FOXP2: variants seen among roughly 807,000 people sequenced by gnomAD.
FOXP2 encodes the protein forkhead box protein P2.
A neutral mutation model predicts 115.8 loss-of-function variants in FOXP2; 12 were observed. That is an observed-to-expected ratio of 0.10 (90% CI 0.07 to 0.17). The LOEUF is 0.17. FOXP2 is among the 10% of genes least tolerant of loss of function. The probability of loss-of-function intolerance (pLI) is 1.00; values close to 1 mark genes in which losing one functional copy is unlikely to be tolerated. For synonymous variants in FOXP2, 328 were observed against 297.7 expected (o/e 1.10, Z -1.05); for missense variants, 629 against 843.5 (o/e 0.75, Z 3.15).
chr7:114,286,562 T>C (rs1461444704), intron 1 of FOXP2, among the ~76,000 whole-genome samples: 1 of 151,952 alleles, frequency 6.6e-6, no homozygotes, highest in Non-Finnish European at 1.5e-5. Context: ...CAGAGTATAA[T>C]TGTGGAAGAA....
chr7:114,383,071 T>C (rs1792347997), intron 2 of FOXP2, among the ~76,000 whole-genome samples: 1 of 152,206 alleles, frequency 6.6e-6, no homozygotes, highest in Non-Finnish European at 1.5e-5. Flanking sequence ...TTGACCTGAC[T>C]GAGATACCAG....
At chr7:114,567,162 G>T (rs1308377006) in intron 3 of FOXP2, among the ~76,000 whole-genome samples, 1 of 152,000 alleles carries the variant, frequency 6.6e-6, no homozygotes, top group Non-Finnish European at 1.5e-5. Flanking sequence ...TTTATACATA[G>T]TAGAAACAAT....
chr7:114,355,717 G>A (rs978760732), intron 2 of FOXP2, among the ~76,000 whole-genome samples: 19 of 152,094 alleles, frequency 1.2e-4, no homozygotes, highest in African/African-American at 4.6e-4. Flanking sequence ...TGTCTGTATG[G>A]AGCAAATAAT....
At chr7:114,283,840 G>T (rs987217919) in intron 1 of FOXP2, among the ~76,000 whole-genome samples, 1 of 151,932 alleles carries the variant, frequency 6.6e-6, no homozygotes, top group Admixed American at 6.6e-5. Context: ...CTCACACCCG[G>T]AGTCCCAGCT....
intron 3 of FOXP2, among the ~76,000 whole-genome samples, chr7:114,598,515 A>AT (rs199742289): frequency 1.7e-4 from 26 of 150,964 alleles, no homozygotes; most frequent in South Asian, 8.4e-4. Flanking sequence ...TCTCACTTTG[A>AT]TTTTTTTTTC....
chr7:114,359,321 G>A (rs1215885490), intron 2 of FOXP2, among the ~76,000 whole-genome samples: 1 of 152,222 alleles, frequency 6.6e-6, no homozygotes, highest in Non-Finnish European at 1.5e-5. Flanking sequence ...TGCATGTCCA[G>A]GCAGAGGTGT....
chr7:114,275,911 T>G (rs984536061), intron 1 of FOXP2, among the ~76,000 whole-genome samples: 2 of 152,220 alleles, frequency 1.3e-5, no homozygotes, highest in Non-Finnish European at 2.9e-5. Context: ...ACTTCACAAG[T>G]GTTTTTCAGT....
intron 3 of FOXP2, among the ~76,000 whole-genome samples, chr7:114,563,948 G>T (rs1433104300): frequency 6.6e-6 from 1 of 151,938 alleles, no homozygotes; most frequent in Non-Finnish European, 1.5e-5. Flanking sequence ...CTTTTTTCAT[G>T]TAACTGCTAC....
intron 3 of FOXP2, among the ~76,000 whole-genome samples, chr7:114,610,943 C>CT (rs1803593501): frequency 1.3e-5 from 2 of 152,014 alleles, no homozygotes; most frequent in South Asian, 2.1e-4. Context: ...CCTAAGAGTT[C>CT]TTTTTTCATT....
chr7:114,384,291 T>TGACC (rs1434745263), intron 2 of FOXP2, among the ~76,000 whole-genome samples: 2 of 152,202 alleles, frequency 1.3e-5, no homozygotes, highest in Non-Finnish European at 2.9e-5. Flanking sequence ...ACAACCCAGC[T>TGACC]GACCCATCAA....
At chr7:114,419,729 C>A (rs1793530033) in intron 1 of FOXP2, 1 of 152,150 alleles carries the variant, frequency 6.6e-6, no homozygotes, top group Admixed American at 6.6e-5. Flanking sequence ...CACACACACA[C>A]ACACACACAC....
rs73431504 is a variant in FOXP2, at chr7:114,576,978, G to A, written c.258+42272G>A. 6.9e-3 allele frequency among the ~76,000 whole-genome samples: 1,055 copies of A among 151,874 alleles called. 6 individuals are homozygous for A. Among genetic ancestry groups the A allele is most frequent in the African/African-American group, 0.024 (1,005 of 41,468 alleles). On this transcript the variant is annotated intron_variant, in intron 3 of 16. Transcript: ENST00000350908. Reference sequence around the variant, plus strand: ...ATACATCATACATACACATATCTAAGCAATTATATAAAAGAGTGTGCATGT... The same window carrying A: ...ATACATCATACATACACATATCTAAACAATTATATAAAAGAGTGTGCATGT...
In FOXP2 at chr7:114,426,695, C is replaced by T. The variant is rs1793868687; in HGVS notation, c.168+16C>T. The T allele has an allele frequency of 1.9e-6, 3 of 1,609,752 alleles. No individual in the cohort carries two copies. The highest frequency in any genetic ancestry group is 2.5e-6 in the Non-Finnish European group (3 of 1,177,220). On this transcript the variant is annotated intron_variant, in intron 2 of 16. Transcript: ENST00000350908. ...ACAACAGCAGGTAAGTTTTGTTTTC[C>T]TCAGTGCTTCCTTAAAACAAATAAG...
At chr7:114,413,532 G>A (rs561047190), upstream of FOXP2, among the ~76,000 whole-genome samples, 3 of 151,880 alleles carry the variant, frequency 2.0e-5, no homozygotes, top group African/African-American at 7.2e-5. Context: ...ACTATAAAAT[G>A]AAAAAAATTG....
chr7:114,126,295 A>G (rs945948018), intron 1 of FOXP2, among the ~76,000 whole-genome samples: 4 of 152,080 alleles, frequency 2.6e-5, no homozygotes, highest in Admixed American at 2.6e-4. Flanking sequence ...CTATAGTAGC[A>G]TACATAATCT....
In FOXP2 at chr7:114,616,798, G is replaced by A. The variant is rs1803975119; in HGVS notation, c.259-11742G>A. Among the ~76,000 whole-genome samples, 4 of 152,152 alleles carry A rather than the reference G, an allele frequency of 2.6e-5. 1 individual carries two copies. In the South Asian group the frequency reaches 8.3e-4, roughly 32 times the overall value. On this transcript the variant is annotated intron_variant, in intron 3 of 16. Coordinates refer to ENST00000350908, the MANE Select transcript of FOXP2 (RefSeq NM_014491.4). ...TTGGTTCAAGAACCACATATGGGCT[G>A]GTATAGTGGTTCATTCCCATAATCC...
At chr7:114,100,288 G>T (rs988566585) in intron 1 of FOXP2, among the ~76,000 whole-genome samples, 1 of 151,886 alleles carries the variant, frequency 6.6e-6, no homozygotes, top group Non-Finnish European at 1.5e-5. Flanking sequence ...TATTCTTTAT[G>T]TATTAATATT....
intron 2 of FOXP2, among the ~76,000 whole-genome samples, chr7:114,369,070 T>G (rs1390653214): frequency 6.6e-6 from 1 of 152,228 alleles, no homozygotes; most frequent in African/African-American, 2.4e-5. Context: ...GGCTGCTAGC[T>G]GGAAACTCAG....
intron 1 of FOXP2, among the ~76,000 whole-genome samples, chr7:114,216,771 T>G (rs1231396488): frequency 4.6e-5 from 7 of 152,114 alleles, no homozygotes; most frequent in Non-Finnish European, 1.0e-4. Flanking sequence ...ATACTGAGTC[T>G]TCCACATTCT....
Sources: allele counts gnomAD v4.1 joint callset (sites outside exome capture counted in the v4.1 genomes callset), GRCh38; gene constraint gnomAD v4.1.1; transcripts MANE v1.5; gene names NCBI Gene and HGNC (gene_info 2026-07-23, HGNC 2026-07-21).